Variants in FMO2 observed in about 807,000 individuals in gnomAD.
FMO2 encodes flavin containing dimethylaniline monoxygenase 2, also known as flavin-containing monooxygenase 2.
FMO2 carries 33 observed loss-of-function variants against 41.6 expected under a neutral mutation model. That is an observed-to-expected ratio of 0.79 (90% CI 0.60 to 1.06). FMO2 has a LOEUF of 1.06. Among genes scored for constraint, FMO2 ranks in the 50% least tolerant of loss-of-function variants. The probability of loss-of-function intolerance (pLI) is 0.00; values close to 1 mark genes in which losing one functional copy is unlikely to be tolerated. For missense variants in FMO2, 619 were observed against 632.9 expected, an observed-to-expected ratio of 0.98 and a Z score of 0.23; for synonymous variants, 214 against 219.6, an observed-to-expected ratio of 0.97 and a Z score of 0.23.
Position 171,209,093 on chromosome 1 carries a change from T to C in FMO2, c.1556T>C (p.Leu519Pro). The change falls in exon 9 of 9, where the codon CTG becomes CCG. Residue 519 changes from leucine (L) to proline (P), a missense_variant. Transcript: ENST00000209929. ...TCAGTTTCTTTTCTGTTGAAAATCC[T>C]GGGCCTTCTTGCTGTTGTTGTGGCC... The part of the protein sequence containing the change: ...NFSVSFLLKI[L>P]GLLAVVVAFF... The C allele has an allele frequency of 2.2e-6, 2 of 900,412 alleles. No homozygotes were observed. Among genetic ancestry groups the C allele is most frequent in the East Asian group, 5.1e-5 (2 of 39,508 alleles). 55.8% of individuals were successfully genotyped at this position (900,412 alleles called of 1,614,324 possible).
intron 2 of FMO2, among the ~76,000 whole-genome samples, chr1:171,190,173 C>T (rs1658021128): frequency 6.6e-6 from 1 of 152,046 alleles, no homozygotes; most frequent in African/African-American, 2.4e-5. Flanking sequence ...TAAATATTAC[C>T]CTTATAATCT....
rs1474167625 is a variant in FMO2 at position 171,199,500 on chromosome 1, T to C, written c.627+12T>C. On this transcript the variant is annotated intron_variant, in intron 5 of 8. Transcript: ENST00000209929. Reference sequence around the variant, plus strand: ...AGAATGCTGCTCAGGTGTGATGCTCTCTGCTTACCATGTACCTGGAGGGGA... The same window carrying C: ...AGAATGCTGCTCAGGTGTGATGCTCCCTGCTTACCATGTACCTGGAGGGGA... 1 of 1,589,760 alleles carries C rather than the reference T, an allele frequency of 6.3e-7. No homozygotes were observed. The highest frequency in any genetic ancestry group is 1.8e-5 in the Admixed American group (1 of 56,674).
intron 3 of FMO2, among the ~76,000 whole-genome samples, chr1:171,195,092 A>G (rs1450397903): frequency 1.3e-5 from 2 of 152,196 alleles, no homozygotes; most frequent in African/African-American, 2.4e-5. Context: ...AGATCATGTT[A>G]GAGTCGCAAG....
rs897951435 is a variant in FMO2 at position 171,211,731 on chromosome 1, C to A, written c.*2586C>A. Among the ~76,000 whole-genome samples the A allele has an allele frequency of 1.3e-5, 2 of 152,084 alleles. No individual in the cohort carries two copies. Among genetic ancestry groups the A allele is most frequent in the African/African-American group, 2.4e-5 (1 of 41,400 alleles). On this transcript the variant is annotated 3_prime_UTR_variant, in exon 9 of 9. Coordinates refer to ENST00000209929, the MANE Select transcript of FMO2 (RefSeq NM_001460.5). ...CATATATCCTGAACATCAAACTATCCCAGGAAAACCATCTAGAGTAGTTTG... is the reference window on the plus strand; with the variant it reads ...CATATATCCTGAACATCAAACTATCACAGGAAAACCATCTAGAGTAGTTTG...
At chr1:171,208,646 G>A (rs2102018392) in intron 8 of FMO2, 148 bp from the exon 9 acceptor site, 1 of 699,844 alleles carries the variant, frequency 1.4e-6, no homozygotes, top group Admixed American at 3.0e-5. Context: ...CTCCTGGTAT[G>A]ATAAACTCAA....
Position 171,208,897 on chromosome 1 carries a change from T to C in FMO2, c.1360T>C (p.Phe454Leu). ...GAKPDFCSLLFKDPKLAVRLY... is the reference protein window; with the variant it reads ...GAKPDFCSLLLKDPKLAVRLY... ...GAAGCCAGATTTCTGCTCTCTCTTG[T>C]TCAAAGATCCTAAACTGGCTGTGAG... Residue 454 changes from phenylalanine to leucine, a missense_variant, in exon 9 of 9, where the codon TTC becomes CTC. By Grantham distance (22) the Phe-to-Leu change is conservative (BLOSUM62 0). Coordinates refer to ENST00000209929, the MANE Select transcript of FMO2 (RefSeq NM_001460.5). 1 of 1,614,016 alleles carries C rather than the reference T, an allele frequency of 6.2e-7. No individual in the cohort carries two copies. Among genetic ancestry groups the C allele is most frequent in the South Asian group, 1.1e-5 (1 of 91,078 alleles).
chr1:171,207,539 C>T (rs546023827), intron 7 of FMO2, 179 bp from the exon 8 acceptor site: 2 of 574,540 alleles, frequency 3.5e-6, no homozygotes, highest in Admixed American at 3.3e-5. Context: ...AGACTGTGCA[C>T]CCTGGACAGT....
intron 4 of FMO2, among the ~76,000 whole-genome samples, chr1:171,199,038 G>A (rs1396234559): frequency 2.6e-5 from 4 of 151,950 alleles, no homozygotes; most frequent in Non-Finnish European, 4.4e-5. Flanking sequence ...GAGTAGCTGG[G>A]ACCACAGGCA....
chr1:171,188,785 T>C (rs1657958445), intron 2 of FMO2: 1 of 152,188 alleles, frequency 6.6e-6, no homozygotes, highest in Non-Finnish European at 1.5e-5. Flanking sequence ...AATAAGTAAA[T>C]TTAAGAATCC....
At chr1:171,193,609 TATGA>T in intron 3 of FMO2, 86 bp downstream of exon 3, 1 of 889,868 alleles carries the variant, frequency 1.1e-6, no homozygotes, top group Non-Finnish European at 1.7e-6. Context: ...TGAAAGCAAT[TATGA>T]ATGAAGTATC....
intron 5 of FMO2, among the ~76,000 whole-genome samples, chr1:171,203,473 A>G (rs933573848): frequency 2.0e-5 from 3 of 152,158 alleles, no homozygotes; most frequent in African/African-American, 7.2e-5. Flanking sequence ...ATAATCGCAC[A>G]TTTCCAAGGA....
chr1:171,192,533 G>A (rs1261580076), intron 2 of FMO2, among the ~76,000 whole-genome samples: 4 of 151,962 alleles, frequency 2.6e-5, no homozygotes, highest in East Asian at 1.9e-4. Flanking sequence ...AGGCTGAGGC[G>A]GGTGGATCAC....
chr1:171,185,569 G>T, intron 1 of FMO2, 139 bp from the exon 2 acceptor site: 3 of 783,844 alleles, frequency 3.8e-6, no homozygotes, highest in Non-Finnish European at 6.1e-6. Flanking sequence ...CAGGATTTTT[G>T]ACTGGCTCTT....
intron 3 of FMO2, among the ~76,000 whole-genome samples, chr1:171,195,356 A>G (rs1658261594): frequency 6.6e-6 from 1 of 152,198 alleles, no homozygotes; most frequent in African/African-American, 2.4e-5. Flanking sequence ...TGTAGGTTCT[A>G]ATTTAATAGG....
At chr1:171,207,530 G>C (rs575469717) in intron 7 of FMO2, 188 bp from the exon 8 acceptor site, 2 of 525,386 alleles carry the variant, frequency 3.8e-6, no homozygotes, top group African/African-American at 2.0e-5. Context: ...CCATGCCGTA[G>C]ACTGTGCACC....
intron 2 of FMO2, among the ~76,000 whole-genome samples, chr1:171,190,354 A>G (rs1373160793): frequency 1.3e-5 from 2 of 152,328 alleles, no homozygotes; most frequent in East Asian, 1.9e-4. Flanking sequence ...ATTCTTTATT[A>G]TATGATAATT....
At chr1:171,185,653 A>C (rs1657810060) in intron 1 of FMO2, 55 bp from the exon 2 acceptor site, 3 of 1,587,322 alleles carry the variant, frequency 1.9e-6, no homozygotes, top group South Asian at 1.1e-5. Context: ...CATCATAAGG[A>C]TTCTCTTACC....
At chr1:171,199,548 AG>A (rs1056905707) in intron 5 of FMO2, 60 bp downstream of exon 5, 3 of 1,500,938 alleles carry the variant, frequency 2.0e-6, no homozygotes, top group Non-Finnish European at 2.7e-6. Flanking sequence ...GCCATACTGG[AG>A]AACCCCAGCC....
At position 171,185,790 on chromosome 1, in the gene FMO2, T is replaced by A; in HGVS notation, c.77T>A (p.Leu26His). 1 of 1,613,860 alleles carries A rather than the reference T, an allele frequency of 6.2e-7. No individual in the cohort carries two copies. Among genetic ancestry groups the A allele is most frequent in the Non-Finnish European group, 8.5e-7 (1 of 1,179,804 alleles). Reference protein sequence around the residue: ...ISLKCCVDEGLEPTCFERTED... With the variant: ...ISLKCCVDEGHEPTCFERTED... ...CTGAAGTGCTGTGTGGATGAGGGAC[T>A]TGAGCCCACTTGCTTTGAGAGAACT... The change falls in exon 2 of 9, where the codon CTT becomes CAT. Residue 26 changes from leucine (L) to histidine (H), a missense_variant. Leu to His is a moderately conservative substitution (Grantham distance 99). Transcript: ENST00000209929.
Sources: gnomAD v4.1 joint callset for allele counts (sites outside exome capture counted in the v4.1 genomes callset) on GRCh38, gnomAD v4.1.1 for gene constraint, MANE v1.5 for transcripts, NCBI Gene and HGNC (gene_info 2026-07-23, HGNC 2026-07-21) for gene names.